The following TUBGCP5 variants were observed in gnomAD, a reference collection of about 807,000 sequenced individuals.
The protein encoded by TUBGCP5 is tubulin gamma complex component 5.
TUBGCP5 carries 98 observed loss-of-function variants against 134.7 expected under a neutral mutation model. The observed-to-expected ratio is 0.73, with a 90% CI of 0.62 to 0.86. TUBGCP5 has a LOEUF of 0.86. TUBGCP5 is among the 40% of genes least tolerant of loss of function. The pLI, the probability that TUBGCP5 is intolerant of heterozygous loss-of-function variation, is 0.00. For synonymous variants in TUBGCP5, 456 were observed against 431.4 expected (o/e 1.06, Z -0.71); for missense variants, 1,150 against 1,244.8 (o/e 0.92, Z 1.15).
intron 23 of TUBGCP5, among the ~76,000 whole-genome samples, chr15:22,988,343 C>T (rs1031996535): frequency 6.6e-6 from 1 of 151,910 alleles, no homozygotes; most frequent in African/African-American, 2.4e-5. Flanking sequence ...ATGCTGGCAG[C>T]CCCCGAAACT....
In TUBGCP5 at chr15:23,032,734, CT is replaced by C; in HGVS notation, c.399del (p.Glu134LysfsTer14). 6.4e-7 allele frequency: 1 copy of C among 1,574,146 alleles called. No homozygotes were observed. The highest frequency in any genetic ancestry group is 2.3e-5 in the East Asian group (1 of 43,046). ...NSSYVETPRN[K>X]EVEKKDDFDW... Reference sequence around the variant, plus strand: ...AAGGAATCTAGTAACATACCCACTTCTTTATTTCTTGGTGTCTCCACATAAC... The same window carrying C: ...AAGGAATCTAGTAACATACCCACTTCTTATTTCTTGGTGTCTCCACATAAC... On this transcript the variant is annotated frameshift_variant, in exon 4 of 23. Transcript: ENST00000615383. LOFTEE classifies it high-confidence loss of function.
At chr15:23,024,329 G>T (rs2065877489) in intron 9 of TUBGCP5, 136 bp from the exon 10 acceptor site, 2 of 879,488 alleles carry the variant, frequency 2.3e-6, no homozygotes, top group Admixed American at 3.2e-5. Context: ...GTAATAATAT[G>T]ATTAATATTT....
intron 5 of TUBGCP5, among the ~76,000 whole-genome samples, chr15:23,031,315 ACTT>A (rs1024405710): frequency 7.9e-5 from 12 of 151,092 alleles, no homozygotes; most frequent in Admixed American, 2.0e-4. Context: ...ACCCCTTTTA[ACTT>A]CTTTTTTTTT....
intron 1 of TUBGCP5, 73 bp downstream of exon 1, chr15:23,039,325 C>CCCGGGCTGTGCGGGACCCACGCGCGGGCT (rs755732617): frequency 8.0e-7 from 1 of 1,253,170 alleles, no homozygotes; most frequent in Non-Finnish European, 1.0e-6. Flanking sequence ...GCGCCCCGAC[C>CCCGGGCTGTGCGGGACCCACGCGCGGGCT]CCGGGCTGTG....
At chr15:23,006,395 T>C in intron 16 of TUBGCP5, 43 bp from the exon 17 acceptor site, 1 of 1,402,710 alleles carries the variant, frequency 7.1e-7, no homozygotes, top group Non-Finnish European at 9.9e-7. Flanking sequence ...AAGCACTATG[T>C]CACACAAAAA....
Position 23,032,716 on chromosome 15 carries a change from C to A in TUBGCP5, c.406+12G>T. 1 of 1,525,356 alleles carries A rather than the reference C, an allele frequency of 6.6e-7. No individual in the cohort carries two copies. The highest frequency in any genetic ancestry group is 8.8e-7 in the Non-Finnish European group (1 of 1,130,894). The allele number at this position is 1,525,356 out of a possible 1,614,324, so 94.5% of individuals were successfully genotyped here. On this transcript the variant is annotated intron_variant, in intron 4 of 22. Transcript: ENST00000615383. Reference sequence around the variant, plus strand: ...TTTTACTTCTCATATGTTAAGGAATCTAGTAACATACCCACTTCTTTATTT... The same window carrying A: ...TTTTACTTCTCATATGTTAAGGAATATAGTAACATACCCACTTCTTTATTT...
chr15:23,018,918 A>C (rs2065495142), intron 12 of TUBGCP5, among the ~76,000 whole-genome samples: 1 of 152,190 alleles, frequency 6.6e-6, no homozygotes. Flanking sequence ...GATATCATCT[A>C]AACTCATTTT....
chr15:23,037,590 A>T (rs2066670561), intron 1 of TUBGCP5, among the ~76,000 whole-genome samples: 1 of 152,220 alleles, frequency 6.6e-6, no homozygotes, highest in Non-Finnish European at 1.5e-5. Context: ...TATTTAAAGA[A>T]GTTTAAGATA....
chr15:22,999,874 A>G lies in TUBGCP5; in HGVS notation c.3029-8T>C. 6.2e-7 allele frequency: 1 copy of G among 1,613,628 alleles called. No homozygotes were observed. The highest frequency in any genetic ancestry group is 8.5e-7 in the Non-Finnish European group (1 of 1,179,738). On this transcript the variant is annotated splice_polypyrimidine_tract_variant and splice_region_variant and intron_variant, in intron 22 of 22. Transcript: ENST00000615383. ...ACAACGCTAGAGATTCCACTGTGGG[A>G]AGAATAAAAATAAGGTTAAAACAAT...
At chr15:23,002,719 G>T (rs1247027665) in intron 21 of TUBGCP5, among the ~76,000 whole-genome samples, 1 of 152,088 alleles carries the variant, frequency 6.6e-6, no homozygotes, top group Non-Finnish European at 1.5e-5. Context: ...GTGCCATCAC[G>T]GTGTTCACAA....
Position 23,027,059 on chromosome 15 carries a change from A to C in TUBGCP5, c.737+133T>G, listed in dbSNP as rs188764287. On this transcript the variant is annotated intron_variant, in intron 7 of 22. Transcript: ENST00000615383. ...CAACGAAGAGTGAGAATCTGTCTCC[A>C]AAAAAAAAAGAATTGTCAAAACAAA... is the stretch of plus-strand genomic sequence containing the variant. 3.1e-4 allele frequency: 158 copies of C among 516,404 alleles called. No individual in the cohort carries two copies. The East Asian group carries it at 5.3e-3, about 17-fold the overall frequency. The allele number at this position is 516,404 out of a possible 1,614,324, so 32.0% of individuals were successfully genotyped here.
intron 6 of TUBGCP5, 33 bp downstream of exon 6, chr15:23,030,852 T>C (rs771391237): frequency 1.3e-6 from 2 of 1,598,656 alleles, no homozygotes; most frequent in Non-Finnish European, 1.7e-6. Flanking sequence ...ATTTGTCTAT[T>C]AGAAAATGCG....
At chr15:23,023,646 C>G in intron 10 of TUBGCP5, 1 of 291,462 alleles carries the variant, frequency 3.4e-6, no homozygotes, top group Non-Finnish European at 6.5e-6. Context: ...TGTTGAAACT[C>G]TTTCTGGAAG....
At chr15:23,002,931 G>T in intron 21 of TUBGCP5, 134 bp downstream of exon 21, 1 of 711,372 alleles carries the variant, frequency 1.4e-6, no homozygotes, top group South Asian at 2.2e-5. Context: ...GCCCAGGCTA[G>T]TCTTGAACTC....
At chr15:23,023,694 A>G (rs959913720) in intron 10 of TUBGCP5, 13 of 348,428 alleles carry the variant, frequency 3.7e-5, no homozygotes, top group African/African-American at 6.4e-5. Context: ...GTCTCTGGAG[A>G]GGAGAACTGA....
intron 11 of TUBGCP5, among the ~76,000 whole-genome samples, 177 bp downstream of exon 11, chr15:23,021,782 G>A (rs1212874695): frequency 6.6e-6 from 1 of 152,122 alleles, no homozygotes; most frequent in African/African-American, 2.4e-5. Context: ...TGAGGATCTT[G>A]GCAATTAGAG....
chr15:22,991,491 T>C (rs1374998057), intron 23 of TUBGCP5, among the ~76,000 whole-genome samples: 1 of 152,224 alleles, frequency 6.6e-6, no homozygotes. Flanking sequence ...ACTAGAGTTC[T>C]TCCTGTGTTT....
In TUBGCP5 at chr15:23,007,130, C is replaced by G. The variant is rs183087118; in HGVS notation, c.2328-778G>C. 1.7e-3 allele frequency among the ~76,000 whole-genome samples: 264 copies of G among 152,252 alleles called. 1 individual carries two copies. Among genetic ancestry groups the G allele is most frequent in the African/African-American group, 6.0e-3 (251 of 41,544 alleles). ...ACTAGTCAGAATTTTTAGCTCTTTG[C>G]CGGGTGCGGTGGCTCACACCTGTAA... On this transcript the variant is annotated intron_variant, in intron 16 of 22. Coordinates refer to ENST00000615383, the MANE Select transcript of TUBGCP5 (RefSeq NM_052903.6).
intron 11 of TUBGCP5, among the ~76,000 whole-genome samples, chr15:23,021,175 T>C (rs1408630518): frequency 6.6e-6 from 1 of 152,142 alleles, no homozygotes; most frequent in African/African-American, 2.4e-5. Flanking sequence ...CTCAGTATGT[T>C]GCCCGGGCTG....
Sources: gnomAD v4.1 joint callset for allele counts (sites outside exome capture counted in the v4.1 genomes callset) on GRCh38, gnomAD v4.1.1 for gene constraint, MANE v1.5 for transcripts, NCBI Gene and HGNC (gene_info 2026-07-23, HGNC 2026-07-21) for gene names.